ZFYVE27: variants seen among roughly 807,000 people sequenced by gnomAD.
The protein encoded by ZFYVE27 is zinc finger FYVE-type containing 27, also known as protrudin.
In ZFYVE27, 36 loss-of-function variants were observed where a neutral mutation model predicts 52.8. The ratio of observed to expected loss-of-function variants is 0.68; its 90% CI spans 0.52 to 0.90. The LOEUF (loss-of-function observed/expected upper bound fraction) is 0.90. Among genes scored for constraint, ZFYVE27 ranks in the 40% least tolerant of loss-of-function variants. The pLI, the probability that ZFYVE27 is intolerant of heterozygous loss-of-function variation, is 0.00. For synonymous variants in ZFYVE27, 223 were observed against 215.6 expected, an observed-to-expected ratio of 1.03 and a Z score of -0.30; for missense variants, 450 against 527.2, an observed-to-expected ratio of 0.85 and a Z score of 1.43.
At chr10:97,749,710 C>T in intron 6 of ZFYVE27, 124 bp downstream of exon 6, 1 of 770,048 alleles carries the variant, frequency 1.3e-6, no homozygotes, top group Non-Finnish European at 2.3e-6. Flanking sequence ...TGCAACACCA[C>T]ACTGGGGTCC....
chr10:97,742,099 T>A (rs1238782953), intron 2 of ZFYVE27, among the ~76,000 whole-genome samples: 1 of 148,514 alleles, frequency 6.7e-6, no homozygotes, highest in Admixed American at 6.8e-5. Context: ...CACTGCACTC[T>A]AGTCTGGGCA....
intron 2 of ZFYVE27, among the ~76,000 whole-genome samples, chr10:97,741,500 A>C (rs1284201826): frequency 6.6e-6 from 1 of 152,202 alleles, no homozygotes; most frequent in East Asian, 1.9e-4. Flanking sequence ...CATTCTCGGC[A>C]AACTAACACA....
At chr10:97,744,677 G>A (rs1009659353) in intron 3 of ZFYVE27, 52 bp from the exon 4 acceptor site, 20 of 1,605,166 alleles carry the variant, frequency 1.2e-5, no homozygotes, top group African/African-American at 6.7e-5. Context: ...TGGGTGGGCC[G>A]ACTCCTGGTC....
chr10:97,746,495 G>A (rs541879962), intron 4 of ZFYVE27, among the ~76,000 whole-genome samples: 1 of 152,264 alleles, frequency 6.6e-6, no homozygotes, highest in African/African-American at 2.4e-5. Flanking sequence ...CCATTTGAAA[G>A]TAAGTTGCAA....
intron 11 of ZFYVE27, 102 bp downstream of exon 11, chr10:97,757,413 A>G: frequency 6.4e-7 from 1 of 1,556,038 alleles, no homozygotes; most frequent in East Asian, 2.2e-5. Flanking sequence ...CTCGGGTCAC[A>G]TTGGGCCTGG....
At chr10:97,737,522 C>T (rs1031268987) in intron 1 of ZFYVE27, among the ~76,000 whole-genome samples, 20 of 152,252 alleles carry the variant, frequency 1.3e-4, no homozygotes, top group Non-Finnish European at 2.9e-4. Context: ...TATACCTCGC[C>T]CCTTCCTGGG....
rs1186078970 is a variant in ZFYVE27 at position 97,744,831 on chromosome 10, G to A, written c.371G>A (p.Arg124Gln). 27 of 1,613,738 alleles carry A rather than the reference G, an allele frequency of 1.7e-5. No individual in the cohort carries two copies. Among genetic ancestry groups the A allele is most frequent in the Admixed American group, 1.2e-4 (7 of 60,004 alleles). Residue 124 changes from arginine to glutamine, a missense_variant, in exon 4 of 13, where the codon CGG becomes CAG. Physicochemically the swap from Arg to Gln is conservative, Grantham distance 43 (BLOSUM62 1). Transcript: ENST00000684270. The stretch of plus-strand genomic sequence containing the variant: ...CGGCTGCCTGATTCCGAGCTGATGC[G>A]GAGGAAGTATCATAGCGTGAGGCAG... ...RARLPDSELM[R>Q]RKYHSVRQED...
chr10:97,758,566 C>G (rs535476899), intron 12 of ZFYVE27, among the ~76,000 whole-genome samples: 1 of 152,180 alleles, frequency 6.6e-6, no homozygotes, highest in African/African-American at 2.4e-5. Flanking sequence ...AGGTGATCTG[C>G]CCGCCTCGGC....
At chr10:97,738,935 C>G (rs937359409) in intron 2 of ZFYVE27, 2 of 503,384 alleles carry the variant, frequency 4.0e-6, no homozygotes, top group African/African-American at 3.8e-5. Context: ...TTCCTCTGGA[C>G]TGCTGGACAA....
At chr10:97,743,322 G>T (rs1030753423) in intron 3 of ZFYVE27, among the ~76,000 whole-genome samples, 158 bp downstream of exon 3, 1 of 152,190 alleles carries the variant, frequency 6.6e-6, no homozygotes, top group Non-Finnish European at 1.5e-5. Context: ...CCAGAGGGAC[G>T]ATCCAGGCTG....
chr10:97,751,615 C>G (rs113339084), intron 8 of ZFYVE27, among the ~76,000 whole-genome samples, 153 bp downstream of exon 8: 1 of 152,134 alleles, frequency 6.6e-6, no homozygotes, highest in Non-Finnish European at 1.5e-5. Flanking sequence ...CACTGAACCC[C>G]TCCCCACTCC....
chr10:97,760,351 T>C lies in ZFYVE27; in HGVS notation c.*1051T>C, dbSNP rs1002228925. 1 of 152,210 alleles carries C rather than the reference T, an allele frequency of 6.6e-6. No individual in the cohort carries two copies. Among genetic ancestry groups the C allele is most frequent in the African/African-American group, 2.4e-5 (1 of 41,434 alleles). The allele number at this position is 152,210 out of a possible 1,614,324, so 9.4% of individuals were successfully genotyped here. ...GGGTCTCCATTTCTTTCCAACAGTTTCATGTTCACTACTGGACTCTTACGG... is the reference window on the plus strand; with the variant it reads ...GGGTCTCCATTTCTTTCCAACAGTTCCATGTTCACTACTGGACTCTTACGG... On this transcript the variant is annotated 3_prime_UTR_variant, in exon 13 of 13. Coordinates refer to ENST00000684270, the MANE Select transcript of ZFYVE27 (RefSeq NM_001385875.1).
intron 3 of ZFYVE27, 148 bp downstream of exon 3, chr10:97,743,312 C>G: frequency 1.0e-6 from 1 of 967,424 alleles, no homozygotes; most frequent in Non-Finnish European, 1.6e-6. Context: ...GAAACAGCCT[C>G]CAGAGGGACG....
In ZFYVE27 at chr10:97,749,472, A is replaced by G; in HGVS notation, c.552-2A>G. 1 of 1,612,896 alleles carries G rather than the reference A, an allele frequency of 6.2e-7. No homozygotes were observed. On this transcript the variant is annotated splice_acceptor_variant, in intron 5 of 12. Transcript: ENST00000684270. LOFTEE classifies it high-confidence loss of function. ...ATCTTGTGGTTCTTCCCTGTCATCC[A>G]GGTTCTATGGGGCTCTTCTGGGCAC...
chr10:97,748,496 T>C (rs1294377552), intron 5 of ZFYVE27, 132 bp downstream of exon 5: 7 of 810,660 alleles, frequency 8.6e-6, no homozygotes, highest in Non-Finnish European at 1.4e-5. Flanking sequence ...GGCTCTTGTG[T>C]GTATATCTGC....
intron 5 of ZFYVE27, 37 bp from the exon 6 acceptor site, chr10:97,749,436 AC>A (rs1254578235): frequency 6.5e-7 from 1 of 1,540,738 alleles, no homozygotes; most frequent in Non-Finnish European, 9.0e-7. Context: ...TTCTGCTGTT[AC>A]GAATTTCTGA....
chr10:97,755,855 G>A (rs1483553381), intron 10 of ZFYVE27, among the ~76,000 whole-genome samples: 1 of 152,204 alleles, frequency 6.6e-6, no homozygotes, highest in African/African-American at 2.4e-5. Context: ...TCATGGCCTC[G>A]GTGGCATCGT....
At chr10:97,747,190 C>T (rs570047090) in intron 4 of ZFYVE27, among the ~76,000 whole-genome samples, 1 of 152,114 alleles carries the variant, frequency 6.6e-6, no homozygotes, top group East Asian at 1.9e-4. Context: ...TGTTTGGTTC[C>T]TTGTGATCAG....
chr10:97,748,914 G>C (rs1321068272), intron 5 of ZFYVE27, among the ~76,000 whole-genome samples: 1 of 152,172 alleles, frequency 6.6e-6, no homozygotes, highest in Non-Finnish European at 1.5e-5. Flanking sequence ...TTTTCTTGGA[G>C]TAAATTCAAG....
Sources: gnomAD v4.1 joint callset for allele counts (sites outside exome capture counted in the v4.1 genomes callset) on GRCh38, gnomAD v4.1.1 for gene constraint, MANE v1.5 for transcripts, NCBI Gene and HGNC (gene_info 2026-07-23, HGNC 2026-07-21) for gene names.